Variants in ZNF407 observed in about 807,000 individuals in gnomAD.
The protein encoded by ZNF407 is zinc finger protein 407.
In ZNF407, 17 loss-of-function variants were observed where a neutral mutation model predicts 131.2. The ratio of observed to expected loss-of-function variants is 0.13; its 90% CI spans 0.09 to 0.19. The LOEUF is 0.19. Ranked by LOEUF, ZNF407 falls within the 10% of genes least tolerant of loss-of-function variation. The pLI, the probability that ZNF407 is intolerant of heterozygous loss-of-function variation, is 1.00. For synonymous variants in ZNF407, 1,156 were observed against 1,062.0 expected (o/e 1.09, Z -1.72); for missense variants, 2,681 against 2,830.6 (o/e 0.95, Z 1.20).
At chr18:74,769,256 A>G (rs981234211) in intron 3 of ZNF407, among the ~76,000 whole-genome samples, 1 of 152,196 alleles carries the variant, frequency 6.6e-6, no homozygotes, top group African/African-American at 2.4e-5. Context: ...TAATATACCA[A>G]GCACATCTGT....
At chr18:74,630,650 T>C (rs1049005815) in intron 1 of ZNF407, among the ~76,000 whole-genome samples, 3 of 152,134 alleles carry the variant, frequency 2.0e-5, no homozygotes, top group African/African-American at 4.8e-5. Context: ...TTGTTTTTTT[T>C]TTAAAAGGGT....
rs867773253 is a variant in ZNF407, at chr18:74,791,619, G to A, written c.4877+10117G>A. Among the ~76,000 whole-genome samples the A allele has an allele frequency of 2.6e-5, 4 of 152,268 alleles. No individual in the cohort carries two copies. The Middle Eastern group carries it at 0.01, about 388-fold the overall frequency. On this transcript the variant is annotated intron_variant, in intron 4 of 8. Transcript: ENST00000299687. ...ATGGCTCCCTGTCTTCTAGGCCAGG[G>A]TCAGTGTGTACTTTATTTTCAAGGG... is the stretch of plus-strand genomic sequence containing the variant.
chr18:74,780,722 G>A (rs1007630535), intron 3 of ZNF407, among the ~76,000 whole-genome samples: 33 of 151,924 alleles, frequency 2.2e-4, no homozygotes, highest in African/African-American at 1.2e-4. Context: ...TTAAATAATC[G>A]CATGACGTAA....
At chr18:74,617,069 A>C (rs1983335815) in intron 1 of ZNF407, among the ~76,000 whole-genome samples, 2 of 24,252 alleles carry the variant, frequency 8.2e-5, no homozygotes, top group Non-Finnish European at 7.8e-5. Context: ...ACACATCCAT[A>C]TCCACACACA....
chr18:74,974,276 T>G (rs1972504229), intron 8 of ZNF407, among the ~76,000 whole-genome samples: 2 of 152,214 alleles, frequency 1.3e-5, no homozygotes, highest in Non-Finnish European at 2.9e-5. Flanking sequence ...GCTTAAATTC[T>G]TCCCATACAG....
chr18:74,710,012 AT>A (rs1163460113), intron 3 of ZNF407, among the ~76,000 whole-genome samples: 1 of 152,194 alleles, frequency 6.6e-6, no homozygotes, highest in Non-Finnish European at 1.5e-5. Flanking sequence ...CCTGAAAAAA[AT>A]GTCTGTTTGT....
chr18:74,781,105 G>A (rs758324478), intron 3 of ZNF407, among the ~76,000 whole-genome samples: 2 of 152,102 alleles, frequency 1.3e-5, no homozygotes, highest in Admixed American at 1.3e-4. Context: ...CCTAGGGGCT[G>A]TGCATGTTAT....
intron 8 of ZNF407, among the ~76,000 whole-genome samples, chr18:74,985,637 C>G (rs533129669): frequency 6.6e-6 from 1 of 152,148 alleles, no homozygotes; most frequent in Non-Finnish European, 1.5e-5. Context: ...ATTCTGGAGG[C>G]CTTTAGAGAG....
intron 3 of ZNF407, among the ~76,000 whole-genome samples, chr18:74,648,295 C>G (rs541567663): frequency 8.3e-4 from 126 of 152,156 alleles, no homozygotes; most frequent in Middle Eastern, 6.8e-3. Flanking sequence ...CCATGGCGTG[C>G]GGGATGTGCA....
At chr18:74,624,507 T>C (rs528975539) in intron 1 of ZNF407, among the ~76,000 whole-genome samples, 1 of 152,228 alleles carries the variant, frequency 6.6e-6, no homozygotes, top group Non-Finnish European at 1.5e-5. Flanking sequence ...TTACTTAAAC[T>C]CTTACACTGA....
At chr18:74,960,770 A>G (rs1412955500) in intron 8 of ZNF407, among the ~76,000 whole-genome samples, 681 of 36,086 alleles carry the variant, frequency 0.019, no homozygotes, top group Admixed American at 0.024. Flanking sequence ...TGAGGACTGC[A>G]TGGAGGGATA....
In ZNF407 at chr18:74,840,363, C is replaced by T. The variant is rs187708847; in HGVS notation, c.4878-36834C>T. 6.6e-5 allele frequency among the ~76,000 whole-genome samples: 10 copies of T among 152,048 alleles called. No homozygotes were observed. In the East Asian group the frequency reaches 1.5e-3, roughly 24 times the overall value. On this transcript the variant is annotated intron_variant, in intron 4 of 8. Transcript: ENST00000299687. ...CCAAGAACTCTCAAGTTGGTGATCT[C>T]GAGCCAGACCTTTCTCCCAATCCTC...
At chr18:74,839,972 G>C (rs1000164728) in intron 4 of ZNF407, among the ~76,000 whole-genome samples, 7 of 152,054 alleles carry the variant, frequency 4.6e-5, no homozygotes, top group Non-Finnish European at 8.8e-5. Flanking sequence ...TTCAAATTGA[G>C]TTTTGTGGGG....
In ZNF407 at chr18:74,798,209, A is replaced by AACACACACACACACACAC. The variant is rs35388545; in HGVS notation, c.4877+16719_4877+16736dup. On this transcript the variant is annotated intron_variant, in intron 4 of 8. Coordinates refer to ENST00000299687, the MANE Select transcript of ZNF407 (RefSeq NM_017757.3). ...TATTCTTTCTTTCTTCCTTTACACA[A>AACACACACACACACACAC]ACACACACACACACACACACACACA... Among the ~76,000 whole-genome samples the AACACACACACACACACAC allele has an allele frequency of 1.9e-3, 283 of 147,932 alleles. 2 individuals are homozygous for AACACACACACACACACAC. Among genetic ancestry groups the AACACACACACACACACAC allele is most frequent in the Admixed American group, 5.4e-3 (80 of 14,814 alleles).
intron 6 of ZNF407, among the ~76,000 whole-genome samples, chr18:74,888,255 G>T (rs1971337482): frequency 6.6e-6 from 1 of 151,872 alleles, no homozygotes; most frequent in Admixed American, 6.6e-5. Context: ...GAGAACAGGG[G>T]AGTGAGGTAT....
At chr18:75,035,430 T>C (rs1048721965) in intron 8 of ZNF407, among the ~76,000 whole-genome samples, 3 of 152,162 alleles carry the variant, frequency 2.0e-5, no homozygotes, top group Non-Finnish European at 1.5e-5. Flanking sequence ...ACAAAGCAAA[T>C]AACGGTTTAG....
At chr18:74,604,541 G>C (rs552108700) in intron 1 of ZNF407, among the ~76,000 whole-genome samples, 15 of 152,164 alleles carry the variant, frequency 9.9e-5, no homozygotes, top group Non-Finnish European at 1.8e-4. Flanking sequence ...TGTCTTTCCA[G>C]GTGGCTGCTT....
intron 3 of ZNF407, among the ~76,000 whole-genome samples, chr18:74,644,741 T>C (rs1483932928): frequency 1.3e-5 from 2 of 152,030 alleles, no homozygotes; most frequent in African/African-American, 4.8e-5. Flanking sequence ...ATTCAAAATG[T>C]TTTCAGTGAT....
intron 8 of ZNF407, among the ~76,000 whole-genome samples, chr18:74,978,239 G>A (rs1305669967): frequency 6.6e-6 from 1 of 152,084 alleles, no homozygotes; most frequent in Non-Finnish European, 1.5e-5. Flanking sequence ...CTTGCGTGGG[G>A]GACAGTGGGC....
Sources: allele counts gnomAD v4.1 joint callset (sites outside exome capture counted in the v4.1 genomes callset), GRCh38; gene constraint gnomAD v4.1.1; transcripts MANE v1.5; gene names NCBI Gene and HGNC (gene_info 2026-07-23, HGNC 2026-07-21).